GDA: variants seen among roughly 807,000 people sequenced by gnomAD.
GDA encodes cytoplasmic PSD-95 interactor.
A neutral mutation model predicts 59.6 loss-of-function variants in GDA; 18 were observed. The ratio of observed to expected loss-of-function variants is 0.30; its 90% confidence interval spans 0.21 to 0.45. The LOEUF is 0.45. Ranked by LOEUF, GDA falls within the 20% of genes least tolerant of loss-of-function variation. GDA has a pLI of 1.00. For synonymous variants in GDA, 201 were observed against 201.1 expected (o/e 1.00, Z 0.00); for missense variants, 427 against 552.3 (o/e 0.77, Z 2.27).
At chr9:72,222,958 T>G (rs1393699066) in intron 6 of GDA, among the ~76,000 whole-genome samples, 162 bp from the exon 7 acceptor site, 2 of 152,214 alleles carry the variant, frequency 1.3e-5, no homozygotes, top group Non-Finnish European at 2.9e-5. Context: ...TCCACCTGCC[T>G]TGGCCTCTCA....
In GDA at chr9:72,199,999, T is replaced by C. The variant is rs541178057; in HGVS notation, c.213-2572T>C. On this transcript the variant is annotated intron_variant, in intron 2 of 13. Coordinates refer to ENST00000358399, the MANE Select transcript of GDA (RefSeq NM_004293.5). ...CCCTCAAATCTGAATCCTTTCTTTT[T>C]TTTTTTTTTTTTTTTTGAGATGGAG... Among the ~76,000 whole-genome samples, 397 of 146,110 alleles carry C rather than the reference T, an allele frequency of 2.7e-3. 2 individuals carry two copies. Among genetic ancestry groups the C allele is most frequent in the African/African-American group, 9.8e-3 (385 of 39,202 alleles).
rs141293948 is a variant in GDA at position 72,139,948 on chromosome 9, A to T, written c.-100+25115A>T. ...AGGTAACTTTTAATCAAAAGCCTGT[A>T]CCTACCACACCCTAATAAAAACCTG... is the stretch of plus-strand genomic sequence containing the variant. On this transcript the variant is annotated intron_variant, in intron 1 of 13. Coordinates refer to the GDA transcript ENST00000545168. Among the ~76,000 whole-genome samples, 63 of 152,298 alleles carry T rather than the reference A, an allele frequency of 4.1e-4. 2 individuals carry two copies. Among genetic ancestry groups the T allele is most frequent in the African/African-American group, 1.3e-3 (56 of 41,572 alleles).
intron 1 of GDA, among the ~76,000 whole-genome samples, chr9:72,152,304 G>A (rs938934425): frequency 5.3e-5 from 8 of 152,128 alleles, no homozygotes; most frequent in Non-Finnish European, 1.0e-4. Flanking sequence ...CTTCGTTTAG[G>A]CCCAGAGAAT....
Position 72,241,294 on chromosome 9 carries a change from C to A in GDA, c.1131C>A (p.Ser377Arg). 1 of 1,594,128 alleles carries A rather than the reference C, an allele frequency of 6.3e-7. No homozygotes were observed. Among genetic ancestry groups the A allele is most frequent in the Non-Finnish European group, 8.6e-7 (1 of 1,165,122 alleles). Reference protein sequence around the residue: ...EVFRLATLGGSQALGLDGEIG... With the variant: ...EVFRLATLGGRQALGLDGEIG... ...TCAGACTAGCTACTCTTGGAGGAAG[C>A]CAAGGTAATGACTCTTACATTTTTC... Residue 377 changes from serine (S) to arginine (R), a missense_variant, in exon 11 of 14, where the codon AGC becomes AGA. By Grantham distance (110) the Ser-to-Arg change is moderately radical. Transcript: ENST00000358399.
chr9:72,159,991 A>G (rs902308537), intron 1 of GDA, among the ~76,000 whole-genome samples: 1 of 152,150 alleles, frequency 6.6e-6, no homozygotes, highest in African/African-American at 2.4e-5. Flanking sequence ...CACACTGACC[A>G]TGATCTAGTT....
intron 1 of GDA, among the ~76,000 whole-genome samples, chr9:72,121,765 C>T (rs980670139): frequency 7.2e-5 from 11 of 152,184 alleles, no homozygotes; most frequent in Admixed American, 2.6e-4. Context: ...CACATCTCAA[C>T]GCATGGAAGC....
intron 1 of GDA, among the ~76,000 whole-genome samples, chr9:72,125,405 G>C (rs1234538696): frequency 6.9e-6 from 1 of 144,754 alleles, no homozygotes; most frequent in Non-Finnish European, 1.5e-5. Context: ...ACTCAGGTTG[G>C]AGTGCAGTGG....
chr9:72,188,765 G>A (rs995322864), intron 1 of GDA, among the ~76,000 whole-genome samples: 2 of 152,152 alleles, frequency 1.3e-5, no homozygotes, highest in Non-Finnish European at 2.9e-5. Flanking sequence ...TGAGACTCCA[G>A]GATCGTGGAG....
chr9:72,231,044 T>G, intron 9 of GDA, 70 bp from the exon 10 acceptor site: 1 of 875,118 alleles, frequency 1.1e-6, no homozygotes, highest in Non-Finnish European at 2.0e-6. Context: ...ATCACCGTCA[T>G]TGTTATTAGT....
At chr9:72,221,469 C>T (rs1333754252) in intron 6 of GDA, among the ~76,000 whole-genome samples, 2 of 152,188 alleles carry the variant, frequency 1.3e-5, no homozygotes, top group Admixed American at 6.5e-5. Flanking sequence ...TGGAGGACTG[C>T]TCCCCAAAAT....
chr9:72,243,030 C>T (rs1303006861), intron 11 of GDA, among the ~76,000 whole-genome samples: 4 of 152,080 alleles, frequency 2.6e-5, no homozygotes, highest in African/African-American at 9.7e-5. Flanking sequence ...AATTTCTTTT[C>T]CTTAGTTTGT....
At chr9:72,205,618 T>C (rs1311185423) in intron 3 of GDA, among the ~76,000 whole-genome samples, 1 of 152,136 alleles carries the variant, frequency 6.6e-6, no homozygotes, top group East Asian at 1.9e-4. Flanking sequence ...CAGCTCTGGG[T>C]TTGCCTTATT....
intron 1 of GDA, among the ~76,000 whole-genome samples, chr9:72,189,044 C>T (rs1832200438): frequency 6.6e-6 from 1 of 152,064 alleles, no homozygotes; most frequent in Admixed American, 6.6e-5. Context: ...ATGCTTGCCC[C>T]ACCATTGTAT....
intron 3 of GDA, among the ~76,000 whole-genome samples, chr9:72,208,719 A>G (rs1468143298): frequency 6.6e-6 from 1 of 152,218 alleles, no homozygotes. Flanking sequence ...TTTCTATGCT[A>G]CCTTCACACT....
chr9:72,138,595 C>G (rs1826329255), intron 1 of GDA, among the ~76,000 whole-genome samples: 1 of 152,216 alleles, frequency 6.6e-6, no homozygotes, highest in Admixed American at 6.5e-5. Context: ...GTAAAGGAGA[C>G]AGATCTGCTC....
intron 1 of GDA, 54 bp downstream of exon 1, chr9:72,149,736 G>C: frequency 6.6e-7 from 1 of 1,517,964 alleles, no homozygotes. Flanking sequence ...TAGGTGCAAG[G>C]AACCTGGCGC....
At chr9:72,161,047 C>G (rs1828562239) in intron 1 of GDA, among the ~76,000 whole-genome samples, 1 of 151,638 alleles carries the variant, frequency 6.6e-6, no homozygotes, top group East Asian at 1.9e-4. Flanking sequence ...GCTGGGACTA[C>G]AGGTGTTTGC....
intron 1 of GDA, among the ~76,000 whole-genome samples, chr9:72,191,794 AC>A (rs1832589502): frequency 6.6e-6 from 1 of 151,890 alleles, no homozygotes; most frequent in South Asian, 2.1e-4. Context: ...CACCATGTTG[AC>A]CAGGCTGGCC....
rs1347359626 is a variant in GDA at position 72,250,066 on chromosome 9, T to A, written c.*1724T>A. The A allele has an allele frequency of 2.0e-6, 2 of 979,294 alleles. No individual in the cohort carries two copies. The highest frequency in any genetic ancestry group is 2.4e-6 in the Non-Finnish European group (2 of 824,430). 60.7% of individuals were successfully genotyped at this position (979,294 alleles called of 1,614,324 possible). On this transcript the variant is annotated 3_prime_UTR_variant, in exon 14 of 14. Transcript: ENST00000358399. The stretch of plus-strand genomic sequence containing the variant: ...ACCCAATTTCCAGTCTTAGTCTGTA[T>A]TTCCAATATTTCTAATTCCTGAGCC...
Sources: gnomAD v4.1 joint callset for allele counts (sites outside exome capture counted in the v4.1 genomes callset) on GRCh38, gnomAD v4.1.1 for gene constraint, MANE v1.5 for transcripts, NCBI Gene and HGNC (gene_info 2026-07-23, HGNC 2026-07-21) for gene names.